PELI2: variants seen among roughly 807,000 people sequenced by gnomAD.
PELI2 encodes the protein pellino E3 ubiquitin protein ligase family member 2.
In PELI2, 23 loss-of-function variants were observed where a neutral mutation model predicts 42.3. That is an observed-to-expected ratio of 0.54 (90% CI 0.39 to 0.77). The LOEUF (loss-of-function observed/expected upper bound fraction) is 0.77, where lower values mean the gene tolerates loss of function less well. PELI2 is among the 30% of genes least tolerant of loss of function. The pLI, the probability that PELI2 is intolerant of heterozygous loss-of-function variation, is 0.00. For missense variants in PELI2, 463 were observed against 553.2 expected (o/e 0.84, Z 1.64); for synonymous variants, 245 against 212.2 (o/e 1.15, Z -1.34).
Position 56,197,990 on chromosome 14 carries a change from ACACACACACACACACACACACACC to A in PELI2, c.207+19530_207+19553del, listed in dbSNP as rs1331588255. On this transcript the variant is annotated intron_variant, in intron 2 of 5. Transcript: ENST00000267460. This position sits in a 1 kb window ranked among gnomAD's most constrained non-coding sequence, Gnocchi z 4.9. ...TGAAGACACACACACACACACACACACACACACACACACACACACACACCCACCTCTTTGGTCCACTTCTCTAGA... is the reference window on the plus strand; with the variant it reads ...TGAAGACACACACACACACACACACACACCTCTTTGGTCCACTTCTCTAGA... Among the ~76,000 whole-genome samples the A allele has an allele frequency of 6.9e-6, 1 of 144,590 alleles. No homozygotes were observed. The highest frequency in any genetic ancestry group is 1.5e-5 in the Non-Finnish European group (1 of 66,352). 94.9% of individuals were successfully genotyped at this position (144,590 alleles called of 152,430 possible). A position where few individuals can be genotyped will look rare whatever the true frequency, so the allele number is the denominator to read the frequency against.
At chr14:56,256,503 T>C (rs1176272775) in intron 2 of PELI2, among the ~76,000 whole-genome samples, 1 of 152,018 alleles carries the variant, frequency 6.6e-6, no homozygotes, top group Non-Finnish European at 1.5e-5. Context: ...TAACTATAAA[T>C]GTAAGAAGCC....
chr14:56,205,029 CAAAAAAAA>C (rs35776509), intron 2 of PELI2, among the ~76,000 whole-genome samples: 2 of 91,192 alleles, frequency 2.2e-5, no homozygotes, highest in East Asian at 3.3e-4. Flanking sequence ...GACTCCCTGT[CAAAAAAAA>C]AAAAAAAAAA....
At chr14:56,237,339 T>G (rs1053882745) in intron 2 of PELI2, among the ~76,000 whole-genome samples, 2 of 152,196 alleles carry the variant, frequency 1.3e-5, no homozygotes, top group South Asian at 2.1e-4. Context: ...GCTAGGAAGA[T>G]TCACAGAATC....
At chr14:56,169,293 C>A (rs1005103925) in intron 1 of PELI2, among the ~76,000 whole-genome samples, 1 of 152,158 alleles carries the variant, frequency 6.6e-6, no homozygotes, top group Non-Finnish European at 1.5e-5. Flanking sequence ...TCCTTCTGGC[C>A]TCGACTGCCC....
intron 2 of PELI2, among the ~76,000 whole-genome samples, chr14:56,217,837 G>A (rs1307444287): frequency 1.3e-5 from 2 of 152,066 alleles, no homozygotes; most frequent in Non-Finnish European, 1.5e-5. Flanking sequence ...GCTCCATACA[G>A]TGTTATACTC....
intron 1 of PELI2, among the ~76,000 whole-genome samples, chr14:56,122,600 T>G (rs1234909010): frequency 6.6e-6 from 1 of 151,094 alleles, no homozygotes; most frequent in Non-Finnish European, 1.5e-5. Context: ...TTGCAAGACT[T>G]TTTTTTTTTC....
At position 56,118,956 on chromosome 14, in the gene PELI2, CGCGGAGGACGCG is replaced by C. The variant is rs1311333741; in HGVS notation, c.77+228_77+239del. Among the ~76,000 whole-genome samples, 3 of 150,126 alleles carry C rather than the reference CGCGGAGGACGCG, an allele frequency of 2.0e-5. No individual in the cohort carries two copies. The East Asian group carries it at 6.0e-4, about 30-fold the overall frequency. ...GGCGGACGCCGGGCTGCGCTGTCCG[CGCGGAGGACGCG>C]GCGGAGGAAGTGGCCAGAACTCGGG... On this transcript the variant is annotated intron_variant, in intron 1 of 5. Transcript: ENST00000267460.
chr14:56,300,998 A>G lies in PELI2; in HGVS notation c.*3832A>G, dbSNP rs1890155345. On this transcript the variant is annotated 3_prime_UTR_variant, in exon 6 of 6. Coordinates refer to ENST00000267460, the MANE Select transcript of PELI2 (RefSeq NM_021255.3). ...CTAGAGGAAGATAAGGAAAATAAGT[A>G]TTTTCCAGTTTTGCTTGACAGTTTC... 2.0e-5 allele frequency: 3 copies of G among 152,350 alleles called. No homozygotes were observed. The East Asian group carries it at 5.8e-4, about 29-fold the overall frequency. The allele number at this position is 152,350 out of a possible 1,614,324, so 9.4% of individuals were successfully genotyped here.
intron 1 of PELI2, among the ~76,000 whole-genome samples, chr14:56,135,085 G>C (rs1047455241): frequency 1.3e-5 from 2 of 152,146 alleles, no homozygotes; most frequent in African/African-American, 4.8e-5. Context: ...AAATTATTCT[G>C]CATTAAAGTT....
intron 1 of PELI2, among the ~76,000 whole-genome samples, chr14:56,138,616 G>A (rs1883772934): frequency 6.6e-6 from 1 of 152,108 alleles, no homozygotes; most frequent in African/African-American, 2.4e-5. Context: ...TTAAGAAAAA[G>A]TCAGATCTAC....
At chr14:56,235,061 T>G (rs1335460871) in intron 2 of PELI2, among the ~76,000 whole-genome samples, 1 of 152,194 alleles carries the variant, frequency 6.6e-6, no homozygotes, top group Non-Finnish European at 1.5e-5. Context: ...AAAACAAGGC[T>G]TAGGAAGTAT....
At chr14:56,226,678 G>C (rs902202247) in intron 2 of PELI2, among the ~76,000 whole-genome samples, 1 of 152,192 alleles carries the variant, frequency 6.6e-6, no homozygotes, top group Non-Finnish European at 1.5e-5. Flanking sequence ...TCTGTGAGCT[G>C]TTGGAAACTT....
rs1342766990 is a variant in PELI2, at chr14:56,161,982, TA to T, written c.78-16346del. On this transcript the variant is annotated intron_variant, in intron 1 of 5. Coordinates refer to ENST00000267460, the MANE Select transcript of PELI2 (RefSeq NM_021255.3). ...TGCAACATTTCTTTTTTTTCCTTTT[TA>T]AAAAAATTTTGGTGGGTGCACAGTA... Among the ~76,000 whole-genome samples the T allele has an allele frequency of 1.2e-4, 18 of 152,278 alleles. No individual in the cohort carries two copies. The South Asian group carries it at 3.5e-3, about 30-fold the overall frequency.
chr14:56,294,540 A>G (rs986882779), intron 5 of PELI2, among the ~76,000 whole-genome samples: 4 of 152,192 alleles, frequency 2.6e-5, no homozygotes. Flanking sequence ...AAGATTGACA[A>G]AATTTCTGGT....
At chr14:56,289,222 C>G (rs1256990270) in intron 4 of PELI2, among the ~76,000 whole-genome samples, 1 of 152,162 alleles carries the variant, frequency 6.6e-6, no homozygotes. Context: ...ATGTACTATT[C>G]CCACATAAGA....
rs567055823 is a variant in PELI2 at position 56,273,236 on chromosome 14, C to A, written c.208-6440C>A. On this transcript the variant is annotated intron_variant, in intron 2 of 5. Coordinates refer to ENST00000267460, the MANE Select transcript of PELI2 (RefSeq NM_021255.3). This position sits in a 1 kb window ranked among gnomAD's most constrained non-coding sequence, Gnocchi z 4.3. Reference sequence around the variant, plus strand: ...GCATTTCATTCTCCAGGCCCTCTCCCTGTGGCTTTGGCTTCTTGGAGCCTA... The same window carrying A: ...GCATTTCATTCTCCAGGCCCTCTCCATGTGGCTTTGGCTTCTTGGAGCCTA... 6.6e-6 allele frequency among the ~76,000 whole-genome samples: 1 copy of A among 152,330 alleles called. No individual in the cohort carries two copies. Among genetic ancestry groups the A allele is most frequent in the South Asian group, 2.1e-4 (1 of 4,832 alleles).
intron 2 of PELI2, among the ~76,000 whole-genome samples, chr14:56,233,985 C>T (rs1160549623): frequency 3.3e-5 from 5 of 152,146 alleles, no homozygotes; most frequent in East Asian, 1.9e-4. Flanking sequence ...ATGCAGCCAA[C>T]GGACACATGA....
chr14:56,209,545 C>A, intron 2 of PELI2, among the ~76,000 whole-genome samples: 1 of 55,452 alleles, frequency 1.8e-5, no homozygotes, highest in East Asian at 4.3e-4. Flanking sequence ...TAAAATATTT[C>A]GTTTCGTGGT....
intron 2 of PELI2, among the ~76,000 whole-genome samples, chr14:56,264,156 G>C (rs945137999): frequency 6.6e-6 from 1 of 152,156 alleles, no homozygotes; most frequent in African/African-American, 2.4e-5. Flanking sequence ...CCAACTAGGC[G>C]AAGCTCTGCC....
Sources: gnomAD v4.1 joint callset for allele counts (sites outside exome capture counted in the v4.1 genomes callset) on GRCh38, gnomAD v4.1.1 for gene constraint, Gnocchi (gnomAD v3.1) non-coding constraint, MANE v1.5 for transcripts, NCBI Gene and HGNC (gene_info 2026-07-23, HGNC 2026-07-21) for gene names.